Variants in CHLSN observed in about 807,000 individuals in gnomAD.
CHLSN encodes protein cholesin.
At chr7:1,091,977 G>C in the CHLSN span, 3 of 1,613,998 alleles carry the variant, frequency 1.9e-6, no homozygotes, top group Non-Finnish European at 2.5e-6. Context: ...TCCTGGTGGT[G>C]AACATCAGCT....
chr7:1,064,061 T>C, the CHLSN span, among the ~76,000 whole-genome samples: 78,060 of 151,988 alleles, frequency 0.51, 20,281 homozygotes, highest in Middle Eastern at 0.55. Context: ...CATCTCGAAC[T>C]TTAGACAGAT....
At chr7:1,106,467 G>A in the CHLSN span, among the ~76,000 whole-genome samples, 1 of 152,212 alleles carries the variant, frequency 6.6e-6, no homozygotes, top group Non-Finnish European at 1.5e-5. Context: ...GGGGATCAAC[G>A]TGGAGAGGGG....
chr7:1,027,900 G>A, the CHLSN span, among the ~76,000 whole-genome samples: 3 of 152,196 alleles, frequency 2.0e-5, no homozygotes, highest in Non-Finnish European at 4.4e-5. Flanking sequence ...GGCCCGGTCC[G>A]CCCCCACAGC....
the CHLSN span, among the ~76,000 whole-genome samples, chr7:1,103,747 ACT>A: frequency 3.9e-5 from 6 of 152,094 alleles, no homozygotes; most frequent in Non-Finnish European, 7.4e-5. Flanking sequence ...TCTCCCGTGT[ACT>A]CTCATGGCAT....
At chr7:1,102,666 G>A in the CHLSN span, among the ~76,000 whole-genome samples, 10 of 152,196 alleles carry the variant, frequency 6.6e-5, no homozygotes, top group Non-Finnish European at 1.0e-4. Flanking sequence ...CCCAGCGGGC[G>A]ACCTGGAGAA....
the CHLSN span, among the ~76,000 whole-genome samples, chr7:1,062,052 T>C: frequency 2.0e-5 from 3 of 152,228 alleles, no homozygotes; most frequent in African/African-American, 7.2e-5. Flanking sequence ...GATGCGAGTT[T>C]TTCAGCGCGT....
chr7:1,127,096 C>A, the CHLSN span, among the ~76,000 whole-genome samples: 1 of 152,208 alleles, frequency 6.6e-6, no homozygotes, highest in Non-Finnish European at 1.5e-5. Flanking sequence ...CCTTCTTTGT[C>A]CTACAATCGC....
At chr7:1,135,334 G>C in the CHLSN span, among the ~76,000 whole-genome samples, 4 of 151,610 alleles carry the variant, frequency 2.6e-5, no homozygotes, top group African/African-American at 9.7e-5. Context: ...TATAGCTATA[G>C]TTGTATGTAT....
chr7:1,117,490 C>A, the CHLSN span, among the ~76,000 whole-genome samples: 4 of 141,290 alleles, frequency 2.8e-5, no homozygotes, highest in Admixed American at 2.1e-4. Context: ...GGACCGGCTT[C>A]CATCACCGAC....
At chr7:988,660 C>A in the CHLSN span, 3 of 1,601,524 alleles carry the variant, frequency 1.9e-6, no homozygotes, top group South Asian at 3.3e-5. Flanking sequence ...TTGGGGAGCG[C>A]CTGGCCAGGA....
At chr7:1,111,838 G>A in the CHLSN span, among the ~76,000 whole-genome samples, 284 of 152,074 alleles carry the variant, frequency 1.9e-3, 1 homozygote, top group Middle Eastern at 3.4e-3. Context: ...GCCTCGGGGC[G>A]GGTGACACTG....
At chr7:1,075,168 G>A in the CHLSN span, among the ~76,000 whole-genome samples, 2 of 152,162 alleles carry the variant, frequency 1.3e-5, no homozygotes, top group Admixed American at 6.5e-5. Flanking sequence ...ACACGGGAGG[G>A]GTGTGGTTCC....
chr7:1,067,202 C>T, the CHLSN span, among the ~76,000 whole-genome samples: 4 of 128,500 alleles, frequency 3.1e-5, no homozygotes, highest in Non-Finnish European at 4.8e-5. Context: ...GCACAATCTT[C>T]ACACAGGCTG....
At chr7:1,094,838 C>G in the CHLSN span, among the ~76,000 whole-genome samples, 99 of 152,316 alleles carry the variant, frequency 6.5e-4, 1 homozygote, top group Non-Finnish European at 1.3e-3. Flanking sequence ...GACCCCAGCA[C>G]CGTGGTGCTG....
chr7:997,215 G>A, the CHLSN span: 25,457 of 161,512 alleles, frequency 0.16, 2,210 homozygotes, highest in Admixed American at 0.22. Context: ...TCGGGAATCA[G>A]GCGGAAGGTG....
At chr7:1,134,300 G>A in the CHLSN span, among the ~76,000 whole-genome samples, 2 of 152,110 alleles carry the variant, frequency 1.3e-5, no homozygotes, top group East Asian at 1.9e-4. Context: ...AAGGCTGAGC[G>A]CAGTGGCTCA....
At chr7:1,129,779 T>A in the CHLSN span, among the ~76,000 whole-genome samples, 4 of 152,222 alleles carry the variant, frequency 2.6e-5, no homozygotes, top group African/African-American at 9.6e-5. Context: ...TTATTTAACA[T>A]AGCTGCAATC....
the CHLSN span, chr7:986,484 C>A: frequency 1.1e-6 from 1 of 948,024 alleles, no homozygotes; most frequent in Non-Finnish European, 1.6e-6. Context: ...GGCTAAGGGT[C>A]CCCCCGTTCT....
the CHLSN span, among the ~76,000 whole-genome samples, chr7:1,016,853 CAGCACACAGCACACAG>C: frequency 1.7e-4 from 16 of 94,064 alleles, 1 homozygote; most frequent in East Asian, 2.4e-4. Flanking sequence ...CAGCACACAG[CAGCACACAGCACACAG>C]CAGCGCACAG....
Sources: allele counts gnomAD v4.1 joint callset (sites outside exome capture counted in the v4.1 genomes callset), GRCh38; gene constraint gnomAD v4.1.1; transcripts MANE v1.5; gene names NCBI Gene and HGNC (gene_info 2026-07-23, HGNC 2026-07-21).